The following GALNT15 variants were observed in gnomAD, a reference collection of about 807,000 sequenced individuals.
The protein encoded by GALNT15 is polypeptide N-acetylgalactosaminyltransferase 15, also known as UDP-GalNAc transferase T15.
A neutral mutation model predicts 66.8 loss-of-function variants in GALNT15; 67 were observed. That is an observed-to-expected ratio of 1.00 (90% CI 0.82 to 1.23). The LOEUF (loss-of-function observed/expected upper bound fraction) is 1.23, where lower values mean the gene tolerates loss of function less well. GALNT15 is among the 50% of genes most tolerant of loss of function. GALNT15 has a pLI of 0.00. For missense variants in GALNT15, 827 were observed against 804.3 expected (o/e 1.03, Z -0.34); for synonymous variants, 313 against 311.5 (o/e 1.00, Z -0.05).
intron 1 of GALNT15, among the ~76,000 whole-genome samples, chr3:16,190,672 C>A (rs2063567388): frequency 6.6e-6 from 1 of 151,754 alleles, no homozygotes; most frequent in African/African-American, 2.4e-5. Context: ...CAAAAGAATC[C>A]CTGGCTTTTC....
intron 2 of GALNT15, among the ~76,000 whole-genome samples, chr3:16,198,704 A>G (rs2063666044): frequency 7.0e-6 from 1 of 142,906 alleles, no homozygotes; most frequent in Admixed American, 7.1e-5. Context: ...GCATTTTACC[A>G]GTGAGAATTG....
At chr3:16,201,458 G>A (rs1401702843) in intron 3 of GALNT15, among the ~76,000 whole-genome samples, 1 of 152,156 alleles carries the variant, frequency 6.6e-6, no homozygotes, top group Non-Finnish European at 1.5e-5. Context: ...TGGGATTACA[G>A]GCGTGAGCCA....
At position 16,184,623 on chromosome 3, in the gene GALNT15, C is replaced by G. The variant is rs1356733859; in HGVS notation, c.539+8933C>G. Among the ~76,000 whole-genome samples the G allele has an allele frequency of 6.6e-6, 1 of 152,192 alleles. No homozygotes were observed. The highest frequency in any genetic ancestry group is 1.5e-5 in the Non-Finnish European group (1 of 68,040). The stretch of plus-strand genomic sequence containing the variant: ...GGTTATGTTTAATAGGACATAAACT[C>G]CATGCTATTAGGGGCTATCTTAGTT... On this transcript the variant is annotated intron_variant, in intron 1 of 9. Transcript: ENST00000339732. This position sits in a 1 kb window ranked among gnomAD's most constrained non-coding sequence, Gnocchi z 5.0.
intron 3 of GALNT15, among the ~76,000 whole-genome samples, chr3:16,201,392 A>G (rs972994210): frequency 1.4e-4 from 21 of 152,132 alleles, no homozygotes; most frequent in African/African-American, 4.3e-4. Context: ...CGTGTTAGCC[A>G]GGATGGTCTC....
At chr3:16,214,066 G>A (rs922988192) in intron 6 of GALNT15, among the ~76,000 whole-genome samples, 2 of 152,218 alleles carry the variant, frequency 1.3e-5, no homozygotes, top group African/African-American at 4.8e-5. Flanking sequence ...CTTGGACCCC[G>A]TCGGTTAGTC....
At chr3:16,241,281 A>G in the GALNT15 span, among the ~76,000 whole-genome samples, 60 of 152,312 alleles carry the variant, frequency 3.9e-4, 1 homozygote, top group African/African-American at 1.4e-3. The surrounding 1 kb of genome is among the most constrained non-coding windows in gnomAD (Gnocchi z 4.6). Flanking sequence ...TTGAACTTCA[A>G]CTAAAGCGAT....
intron 6 of GALNT15, among the ~76,000 whole-genome samples, chr3:16,213,102 G>A (rs1421269277): frequency 2.0e-5 from 3 of 152,082 alleles, no homozygotes; most frequent in Non-Finnish European, 2.9e-5. Flanking sequence ...CTTTCATCCT[G>A]AGCAAAGGGC....
chr3:16,212,404 C>G lies in GALNT15; in HGVS notation c.1198-165C>G, dbSNP rs190155875. Among the ~76,000 whole-genome samples the G allele has an allele frequency of 6.2e-4, 95 of 152,262 alleles. 1 individual carries two copies. The highest frequency in any genetic ancestry group is 2.2e-3 in the African/African-American group (91 of 41,540). ...CCTGTCACTCCCCTGCCCAGAACCT[C>G]CAAATCTGGAAACTCTACGCCACCC... On this transcript the variant is annotated intron_variant, in intron 5 of 9. Transcript: ENST00000339732.
chr3:16,227,572 A>G lies in GALNT15; in HGVS notation c.*72A>G. ...CTCCAAGTGAACTTAAAGAGCTTAT[A>G]TATTTCATGAAGCTGATCCTTTTGT... On this transcript the variant is annotated 3_prime_UTR_variant, in exon 10 of 10. Coordinates refer to ENST00000339732, the MANE Select transcript of GALNT15 (RefSeq NM_054110.5). The surrounding 1 kb of genome is among the most constrained non-coding windows in gnomAD (Gnocchi z 4.5). The G allele has an allele frequency of 3.1e-6, 5 of 1,612,084 alleles. No individual in the cohort carries two copies. Among genetic ancestry groups the G allele is most frequent in the Non-Finnish European group, 4.2e-6 (5 of 1,179,408 alleles).
rs1198050638 is a variant in GALNT15, at chr3:16,186,443, A to C, written c.540-9317A>C. On this transcript the variant is annotated intron_variant, in intron 1 of 9. Coordinates refer to ENST00000339732, the MANE Select transcript of GALNT15 (RefSeq NM_054110.5). The surrounding 1 kb of genome is among the most constrained non-coding windows in gnomAD (Gnocchi z 5.1). ...CCAGTAATACCAGTCCTAGGTATATACTCAAGAAAATTAAAAACATGTTCA... is the reference window on the plus strand; with the variant it reads ...CCAGTAATACCAGTCCTAGGTATATCCTCAAGAAAATTAAAAACATGTTCA... Among the ~76,000 whole-genome samples the C allele has an allele frequency of 6.6e-6, 1 of 152,222 alleles. No individual in the cohort carries two copies. Among genetic ancestry groups the C allele is most frequent in the African/African-American group, 2.4e-5 (1 of 41,452 alleles).
At chr3:16,201,218 G>A (rs1191958471) in intron 3 of GALNT15, among the ~76,000 whole-genome samples, 1 of 151,512 alleles carries the variant, frequency 6.6e-6, no homozygotes, top group Non-Finnish European at 1.5e-5. Flanking sequence ...GTCTCGCTCT[G>A]TCACCCAGGC....
chr3:16,247,229 G>C, the GALNT15 span, among the ~76,000 whole-genome samples: 1 of 151,966 alleles, frequency 6.6e-6, no homozygotes, highest in Non-Finnish European at 1.5e-5. Context: ...GTATTGAATG[G>C]ATGAACAAGA....
At chr3:16,236,478 T>C (rs569240882), downstream of GALNT15, among the ~76,000 whole-genome samples, 15 of 152,388 alleles carry the variant, frequency 9.8e-5, no homozygotes, top group East Asian at 2.1e-3. Context: ...GTTGGCCAGA[T>C]TTGGCCAACA....
chr3:16,227,629 G>T lies in GALNT15; in HGVS notation c.*129G>T, dbSNP rs745567561. ...GCTCCTGGTGTTAGGAGAGAAAAAA[G>T]CTCTATGAAAGAATATAGGAAGTTT... is the stretch of plus-strand genomic sequence containing the variant. On this transcript the variant is annotated 3_prime_UTR_variant, in exon 10 of 10. Coordinates refer to ENST00000339732, the MANE Select transcript of GALNT15 (RefSeq NM_054110.5). This position sits in a 1 kb window ranked among gnomAD's most constrained non-coding sequence, Gnocchi z 4.5. The T allele has an allele frequency of 2.0e-6, 3 of 1,517,710 alleles. No individual in the cohort carries two copies. The South Asian group carries it at 3.8e-5, about 19-fold the overall frequency. The allele number at this position is 1,517,710 out of a possible 1,614,324, so 94.0% of individuals were successfully genotyped here. A position where few individuals can be genotyped will look rare whatever the true frequency, so the allele number is the denominator to read the frequency against.
At chr3:16,192,991 C>A (rs914763712) in intron 1 of GALNT15, among the ~76,000 whole-genome samples, 3 of 152,078 alleles carry the variant, frequency 2.0e-5, no homozygotes, top group Non-Finnish European at 4.4e-5. Flanking sequence ...TGAACCATGT[C>A]GGATTCCTGG....
In GALNT15 at chr3:16,219,614, C is replaced by G. The variant is rs538272006; in HGVS notation, c.1524+80C>G. 1.3e-6 allele frequency: 2 copies of G among 1,554,382 alleles called. No homozygotes were observed. Among genetic ancestry groups the G allele is most frequent in the African/African-American group, 1.4e-5 (1 of 73,558 alleles). On this transcript the variant is annotated intron_variant, in intron 7 of 9. Coordinates refer to ENST00000339732, the MANE Select transcript of GALNT15 (RefSeq NM_054110.5). The surrounding 1 kb of genome is among the most constrained non-coding windows in gnomAD (Gnocchi z 4.3). ...AACTAGATGTTCAGCTCTTCCATGTCCCTGGTCAACCATTCACGGTTTAGC... is the reference window on the plus strand; with the variant it reads ...AACTAGATGTTCAGCTCTTCCATGTGCCTGGTCAACCATTCACGGTTTAGC...
chr3:16,217,527 C>T (rs1304540963), intron 6 of GALNT15, among the ~76,000 whole-genome samples: 2 of 152,000 alleles, frequency 1.3e-5, no homozygotes, highest in Admixed American at 6.5e-5. Context: ...TTAATTTTGC[C>T]CTAAAGATTT....
In GALNT15 at chr3:16,200,223, A is replaced by G. The variant is rs1319781313; in HGVS notation, c.707-396A>G. 6.6e-6 allele frequency among the ~76,000 whole-genome samples: 1 copy of G among 152,106 alleles called. No homozygotes were observed. The highest frequency in any genetic ancestry group is 6.5e-5 in the Admixed American group (1 of 15,268). On this transcript the variant is annotated intron_variant, in intron 2 of 9. Coordinates refer to ENST00000339732, the MANE Select transcript of GALNT15 (RefSeq NM_054110.5). The surrounding 1 kb of genome is among the most constrained non-coding windows in gnomAD (Gnocchi z 4.4). ...TGGGGGAAACTGCCCACATGATCCAATCACCTCCCACCAGGTCCCTCCCTC... is the reference window on the plus strand; with the variant it reads ...TGGGGGAAACTGCCCACATGATCCAGTCACCTCCCACCAGGTCCCTCCCTC...
downstream of GALNT15, among the ~76,000 whole-genome samples, chr3:16,232,451 A>T (rs998982206): frequency 8.9e-5 from 6 of 67,722 alleles, no homozygotes; most frequent in Admixed American, 2.0e-4. Context: ...GCCTGGCCTC[A>T]AAATAAATAA....
Sources: gnomAD v4.1 joint callset for allele counts (sites outside exome capture counted in the v4.1 genomes callset) on GRCh38, gnomAD v4.1.1 for gene constraint, Gnocchi (gnomAD v3.1) non-coding constraint, MANE v1.5 for transcripts, NCBI Gene and HGNC (gene_info 2026-07-23, HGNC 2026-07-21) for gene names.